Variants in UQCRH observed in about 807,000 individuals in gnomAD.
The protein encoded by UQCRH is ubiquinol-cytochrome c reductase hinge protein.
In UQCRH, 14 loss-of-function variants were observed where a neutral mutation model predicts 16.3. The observed-to-expected ratio is 0.86, with a 90% confidence interval of 0.57 to 1.34. UQCRH has a LOEUF of 1.34. Ranked by LOEUF, UQCRH falls within the 40% of genes most tolerant of loss-of-function variation. The probability of loss-of-function intolerance (pLI) is 0.00; values close to 1 mark genes in which losing one functional copy is unlikely to be tolerated. For missense variants in UQCRH, 89 were observed against 111.9 expected (o/e 0.80, Z 0.92); for synonymous variants, 41 against 41.9 (o/e 0.98, Z 0.08).
At chr1:46,313,635 A>G (rs1569696498) in intron 3 of UQCRH, among the ~76,000 whole-genome samples, 1 of 148,570 alleles carries the variant, frequency 6.7e-6, no homozygotes, top group Non-Finnish European at 1.5e-5. Flanking sequence ...TCTCAAAAAA[A>G]TATAGACAGA....
At chr1:46,308,506 A>T (rs369358410) in intron 1 of UQCRH, among the ~76,000 whole-genome samples, 8 of 152,126 alleles carry the variant, frequency 5.3e-5, no homozygotes, top group African/African-American at 1.9e-4. Flanking sequence ...GGTGATTTAG[A>T]GAAGGGGAAA....
At chr1:46,307,968 T>A (rs1215372755) in intron 1 of UQCRH, among the ~76,000 whole-genome samples, 1 of 152,262 alleles carries the variant, frequency 6.6e-6, no homozygotes, top group Non-Finnish European at 1.5e-5. Context: ...AGGCCCCATG[T>A]GAACATCTGG....
chr1:46,315,591 C>CAAAAAAAAAAAAAAAAAAAAAAATAAAA (rs35586591), intron 3 of UQCRH, among the ~76,000 whole-genome samples: 1 of 84,568 alleles, frequency 1.2e-5, no homozygotes, highest in Non-Finnish European at 2.3e-5. Context: ...AAGACTGCCT[C>CAAAAAAAAAAAAAAAAAAAAAAATAAAA]AAAAAAAAAA....
chr1:46,303,888 C>T, intron 1 of UQCRH, 68 bp downstream of exon 1: 2 of 1,604,932 alleles, frequency 1.2e-6, no homozygotes, highest in South Asian at 1.1e-5. Flanking sequence ...CGCCAAAACA[C>T]GCACGGGGCC....
intron 2 of UQCRH, chr1:46,309,924 G>A: frequency 4.2e-6 from 6 of 1,428,832 alleles, no homozygotes; most frequent in Non-Finnish European, 5.5e-6. Flanking sequence ...AGTGCATACT[G>A]GCAACCTTGG....
In UQCRH at chr1:46,313,972, T is replaced by C. The variant is rs185301768; in HGVS notation, c.244-2580T>C. Among the ~76,000 whole-genome samples, 81 of 152,340 alleles carry C rather than the reference T, an allele frequency of 5.3e-4. 1 individual carries two copies. Among genetic ancestry groups the C allele is most frequent in the African/African-American group, 1.8e-3 (76 of 41,572 alleles). On this transcript the variant is annotated intron_variant, in intron 3 of 3. Coordinates refer to ENST00000311672, the MANE Select transcript of UQCRH (RefSeq NM_006004.4). ...GCTTAAACAGATATTTCCACATTCA[T>C]ATTCACAATAGCCAAAAGGTAGAAA...
chr1:46,306,470 T>C (rs1056140285), intron 1 of UQCRH, among the ~76,000 whole-genome samples: 2 of 148,342 alleles, frequency 1.3e-5, no homozygotes, highest in Admixed American at 1.4e-4. Context: ...GCCTCCTGGG[T>C]TCAGGCAATG....
At chr1:46,308,335 A>G (rs776543018) in intron 1 of UQCRH, among the ~76,000 whole-genome samples, 1 of 152,184 alleles carries the variant, frequency 6.6e-6, no homozygotes, top group Non-Finnish European at 1.5e-5. Flanking sequence ...GGCAGAAGGT[A>G]TGAGGGGAAG....
chr1:46,308,189 G>A (rs1661408760), intron 1 of UQCRH, among the ~76,000 whole-genome samples: 2 of 152,200 alleles, frequency 1.3e-5, no homozygotes, highest in African/African-American at 4.8e-5. Flanking sequence ...TTTTAACCAA[G>A]TATGGTAAGG....
In UQCRH at chr1:46,303,725, C is replaced by A; in HGVS notation, c.-42C>A. ...TCTTGATCCTGAACTGGGTTAGGTG[C>A]CGCTGTTGCTGCTCGTGTTGAATCT... On this transcript the variant is annotated 5_prime_UTR_variant, in exon 1 of 4. Coordinates refer to ENST00000311672, the MANE Select transcript of UQCRH (RefSeq NM_006004.4). The A allele has an allele frequency of 6.2e-7, 1 of 1,613,930 alleles. No individual in the cohort carries two copies. The highest frequency in any genetic ancestry group is 8.5e-7 in the Non-Finnish European group (1 of 1,179,874).
At chr1:46,309,011 A>G in intron 1 of UQCRH, 90 bp from the exon 2 acceptor site, 1 of 1,383,818 alleles carries the variant, frequency 7.2e-7, no homozygotes, top group Non-Finnish European at 1.0e-6. Flanking sequence ...TAATAGTGTC[A>G]GTGTCTATCG....
chr1:46,303,728 C>T lies in UQCRH; in HGVS notation c.-39C>T, dbSNP rs759676752. 5.0e-6 allele frequency: 8 copies of T among 1,613,976 alleles called. No homozygotes were observed. The Admixed American group carries it at 6.7e-5, about 13-fold the overall frequency. ...TGATCCTGAACTGGGTTAGGTGCCG[C>T]TGTTGCTGCTCGTGTTGAATCTAGA... is the stretch of plus-strand genomic sequence containing the variant. On this transcript the variant is annotated 5_prime_UTR_variant, in exon 1 of 4. Transcript: ENST00000311672.
Position 46,316,589 on chromosome 1 carries a change from G to C in UQCRH, c.*5G>C. 6.2e-7 allele frequency: 1 copy of C among 1,612,668 alleles called. No homozygotes were observed. On this transcript the variant is annotated 3_prime_UTR_variant, in exon 4 of 4. Coordinates refer to ENST00000311672, the MANE Select transcript of UQCRH (RefSeq NM_006004.4). Reference sequence around the variant, plus strand: ...CTCTTTAACAACTTGAAATAAATGTGTGGACTTAATTCACCCCAGTCTTCA... The same window carrying C: ...CTCTTTAACAACTTGAAATAAATGTCTGGACTTAATTCACCCCAGTCTTCA...
At chr1:46,313,649 A>G (rs1468698119) in intron 3 of UQCRH, among the ~76,000 whole-genome samples, 1 of 141,670 alleles carries the variant, frequency 7.1e-6, no homozygotes, top group Non-Finnish European at 1.5e-5. Context: ...AGACAGATAG[A>G]TAGATAGATA....
chr1:46,315,031 G>T (rs775611789), intron 3 of UQCRH, among the ~76,000 whole-genome samples: 4 of 152,132 alleles, frequency 2.6e-5, no homozygotes, highest in Admixed American at 6.5e-5. Context: ...GTGGGGCCTT[G>T]TGCGGTGGTT....
intron 3 of UQCRH, among the ~76,000 whole-genome samples, chr1:46,313,754 C>A (rs1661527050): frequency 6.6e-6 from 1 of 151,034 alleles, no homozygotes. Flanking sequence ...GTGGGAGGAT[C>A]ACCTGAGCCT....
intron 3 of UQCRH, among the ~76,000 whole-genome samples, chr1:46,311,475 G>A (rs1377509065): frequency 1.3e-5 from 2 of 151,098 alleles, no homozygotes; most frequent in African/African-American, 4.9e-5. Flanking sequence ...CTACTCGGGA[G>A]CCTGAGGCAG....
chr1:46,307,017 C>T (rs917805822), intron 1 of UQCRH, among the ~76,000 whole-genome samples: 1 of 152,150 alleles, frequency 6.6e-6, no homozygotes, highest in African/African-American at 2.4e-5. Flanking sequence ...TTCTGAGTAG[C>T]CATGACCACA....
chr1:46,310,568 A>T (rs1661450751), intron 3 of UQCRH, among the ~76,000 whole-genome samples: 1 of 152,160 alleles, frequency 6.6e-6, no homozygotes, highest in Non-Finnish European at 1.5e-5. Context: ...GGCCTAAGTG[A>T]TCCTGCCTTG....
Sources: gnomAD v4.1 joint callset for allele counts (sites outside exome capture counted in the v4.1 genomes callset) on GRCh38, gnomAD v4.1.1 for gene constraint, MANE v1.5 for transcripts, NCBI Gene and HGNC (gene_info 2026-07-23, HGNC 2026-07-21) for gene names.